Variants in CSMD1 observed in about 807,000 individuals in gnomAD.
CSMD1 encodes CUB and sushi domain-containing protein 1.
A neutral mutation model predicts 417.5 loss-of-function variants in CSMD1; 213 were observed. The observed-to-expected ratio is 0.51, with a 90% CI of 0.46 to 0.57. The LOEUF is 0.57. Among genes scored for constraint, CSMD1 ranks in the 20% least tolerant of loss-of-function variants. The pLI is 0.00. For missense variants in CSMD1, 6,923 were observed against 4,529.7 expected (o/e 1.53, Z -15.17); for synonymous variants, 2,862 against 1,736.8 (o/e 1.65, Z -16.11).
chr8:3,973,714 T>G (rs1351306804), intron 5 of CSMD1, among the ~76,000 whole-genome samples: 1 of 152,204 alleles, frequency 6.6e-6, no homozygotes, highest in Non-Finnish European at 1.5e-5. Flanking sequence ...CTTTATCACT[T>G]TGCAAGAACA....
chr8:3,636,376 C>T (rs540253577), intron 7 of CSMD1, among the ~76,000 whole-genome samples: 2 of 152,142 alleles, frequency 1.3e-5, no homozygotes, highest in African/African-American at 2.4e-5. Flanking sequence ...TGAGGGTTCT[C>T]CATGTTGGCT....
At chr8:4,424,106 G>C (rs1017746305) in intron 2 of CSMD1, among the ~76,000 whole-genome samples, 5 of 151,892 alleles carry the variant, frequency 3.3e-5, no homozygotes, top group African/African-American at 9.7e-5. Flanking sequence ...GAAAAAAATA[G>C]GGGAAAGGCT....
intron 3 of CSMD1, among the ~76,000 whole-genome samples, chr8:4,123,510 G>C (rs1273178155): frequency 1.3e-5 from 2 of 152,188 alleles, no homozygotes; most frequent in Non-Finnish European, 2.9e-5. Flanking sequence ...ATTCGGGACT[G>C]TGTTTTCTTT....
intron 2 of CSMD1, among the ~76,000 whole-genome samples, chr8:4,620,921 C>T (rs920537653): frequency 6.6e-6 from 1 of 151,312 alleles, no homozygotes; most frequent in African/African-American, 2.4e-5. Flanking sequence ...AGGCAACTGG[C>T]AAATAATAAA....
intron 3 of CSMD1, among the ~76,000 whole-genome samples, chr8:4,208,744 G>C (rs1346115117): frequency 6.6e-6 from 1 of 152,140 alleles, no homozygotes; most frequent in Admixed American, 6.5e-5. Context: ...GGAATATGGA[G>C]AATATATTGT....
chr8:3,923,228 G>A (rs1409535804), intron 5 of CSMD1, among the ~76,000 whole-genome samples: 2 of 152,074 alleles, frequency 1.3e-5, no homozygotes, highest in South Asian at 4.2e-4. Flanking sequence ...TTGTTTCCTT[G>A]TCTGGTGGTG....
At chr8:4,466,444 T>TC (rs540707840) in intron 2 of CSMD1, among the ~76,000 whole-genome samples, 132,313 of 152,040 alleles carry the variant, frequency 0.87, 57,705 homozygotes, top group Middle Eastern at 0.96. Context: ...CAAATGAGTA[T>TC]ATATATACTC....
At chr8:3,305,001 A>C (rs930171208) in intron 25 of CSMD1, among the ~76,000 whole-genome samples, 48 of 152,264 alleles carry the variant, frequency 3.2e-4, no homozygotes, top group African/African-American at 9.6e-4. Context: ...ACATTACTCA[A>C]ATCTAGCATT....
chr8:3,470,452 T>C (rs1271770912), intron 11 of CSMD1, among the ~76,000 whole-genome samples: 1 of 152,194 alleles, frequency 6.6e-6, no homozygotes, highest in Non-Finnish European at 1.5e-5. Flanking sequence ...GGTAACATCT[T>C]GCAAAACTAT....
chr8:3,467,796 T>A (rs1203036237), intron 12 of CSMD1, among the ~76,000 whole-genome samples: 1 of 152,206 alleles, frequency 6.6e-6, no homozygotes, highest in South Asian at 2.1e-4. Context: ...GGTGGATGCT[T>A]TTTTATTATC....
At chr8:4,274,471 GCATT>G (rs1367081601) in intron 3 of CSMD1, among the ~76,000 whole-genome samples, 3 of 152,074 alleles carry the variant, frequency 2.0e-5, no homozygotes, top group African/African-American at 7.2e-5. Context: ...AGTCGTAATG[GCATT>G]AATTGAAACA....
chr8:4,683,576 T>C (rs1806178892), intron 1 of CSMD1, among the ~76,000 whole-genome samples: 2 of 152,168 alleles, frequency 1.3e-5, no homozygotes, highest in South Asian at 4.1e-4. Flanking sequence ...TGAATCACTG[T>C]TGGTAGTGGA....
At chr8:3,032,488 G>A (rs1351595597) in intron 50 of CSMD1, among the ~76,000 whole-genome samples, 2 of 152,006 alleles carry the variant, frequency 1.3e-5, no homozygotes, top group East Asian at 3.9e-4. Flanking sequence ...CCCAAAGAAT[G>A]TCCTTTATCT....
chr8:4,018,773 G>A (rs376470526), intron 4 of CSMD1, among the ~76,000 whole-genome samples: 1 of 152,198 alleles, frequency 6.6e-6, no homozygotes, highest in Non-Finnish European at 1.5e-5. Context: ...CACAGACTCT[G>A]TAGCCAAAGT....
rs751060037 is a variant in CSMD1, at chr8:3,777,413, C to G, written c.819-23371G>C. Among the ~76,000 whole-genome samples, 58 of 152,134 alleles carry G rather than the reference C, an allele frequency of 3.8e-4. 1 individual carries two copies. The highest frequency in any genetic ancestry group is 7.5e-4 in the Non-Finnish European group (51 of 68,036). On this transcript the variant is annotated intron_variant, in intron 5 of 69. Coordinates refer to ENST00000635120, the MANE Select transcript of CSMD1 (RefSeq NM_033225.6). ...ATGGCCCCCTCCACTGCTCTTGCACCTGGGGCATCCTGTCAGGCCTCAGGC... is the reference window on the plus strand; with the variant it reads ...ATGGCCCCCTCCACTGCTCTTGCACGTGGGGCATCCTGTCAGGCCTCAGGC...
intron 41 of CSMD1, 23 bp from the exon 42 acceptor site, chr8:3,118,610 A>G (rs1817004532): frequency 6.2e-7 from 1 of 1,602,958 alleles, no homozygotes; most frequent in Admixed American, 1.7e-5. Flanking sequence ...AACAGACAAA[A>G]TAAAGCTTAT....
chr8:3,680,071 C>A (rs573873059), intron 7 of CSMD1, among the ~76,000 whole-genome samples: 1 of 152,074 alleles, frequency 6.6e-6, no homozygotes, highest in Admixed American at 6.5e-5. Context: ...TAAATGCCCA[C>A]AAGAGAAAGC....
chr8:3,762,312 G>A (rs888901523), intron 5 of CSMD1, among the ~76,000 whole-genome samples: 10 of 152,082 alleles, frequency 6.6e-5, no homozygotes, highest in South Asian at 2.1e-4. Context: ...CTGCCTGGTC[G>A]TTTCTGGCTC....
chr8:4,281,365 C>G (rs771360611), intron 3 of CSMD1, among the ~76,000 whole-genome samples: 1 of 152,136 alleles, frequency 6.6e-6, no homozygotes, highest in Non-Finnish European at 1.5e-5. Flanking sequence ...GGCATAAGGT[C>G]TTTGCATAAA....
Sources: gnomAD v4.1 joint callset for allele counts (sites outside exome capture counted in the v4.1 genomes callset) on GRCh38, gnomAD v4.1.1 for gene constraint, MANE v1.5 for transcripts, NCBI Gene and HGNC (gene_info 2026-07-23, HGNC 2026-07-21) for gene names.